The following RETREG3 variants were observed in gnomAD, a reference collection of about 807,000 sequenced individuals.
RETREG3 encodes the protein reticulophagy regulator 3.
Under a neutral mutation model 50.2 loss-of-function variants are expected in RETREG3, and 23 were observed. That is an observed-to-expected ratio of 0.46 (90% confidence interval 0.33 to 0.65). The LOEUF (loss-of-function observed/expected upper bound fraction) is 0.65. Among genes scored for constraint, RETREG3 ranks in the 30% least tolerant of loss-of-function variants. RETREG3 has a pLI of 0.02. For synonymous variants in RETREG3, 240 were observed against 234.4 expected (o/e 1.02, Z -0.22); for missense variants, 546 against 598.0 (o/e 0.91, Z 0.91).
In RETREG3 at chr17:42,581,962, G is replaced by C. The variant is rs745975205; in HGVS notation, c.1252C>G (p.Pro418Ala). ...GCTCTCTGGGCAGGTGCTCCAGAAG[G>C]GCCTGGTTGGGAGGCCCCTGACAAG... ...LALSGASQPG[P>A]SGAPAQRATR... The change falls in exon 9 of 9, where the codon CCT becomes GCT. Residue 418 changes from proline (P) to alanine (A), a missense_variant. Pro to Ala is a conservative substitution (Grantham distance 27, BLOSUM62 -1). Transcript: ENST00000309428. The C allele has an allele frequency of 3.6e-5, 58 of 1,613,962 alleles. No individual in the cohort carries two copies. The highest frequency in any genetic ancestry group is 4.7e-5 in the Non-Finnish European group (55 of 1,180,022).
In RETREG3 at chr17:42,582,264, T is replaced by C. The variant is rs777009691; in HGVS notation, c.950A>G (p.Asp317Gly). 1.2e-6 allele frequency: 2 copies of C among 1,603,284 alleles called. No homozygotes were observed. The highest frequency in any genetic ancestry group is 1.1e-5 in the South Asian group (1 of 90,898). Residue 317 changes from aspartate to glycine, a missense_variant, in exon 9 of 9, where the codon GAT becomes GGT. Asp to Gly is a moderately conservative substitution (Grantham distance 94). Transcript: ENST00000309428. ...TPLTEGSEDL[D>G]GHSDPEESFA... Reference sequence around the variant, plus strand: ...GGATTCCTCTGGATCACTGTGACCATCTAGGTCTGGTGGAATACAGAAGTG... The same window carrying C: ...GGATTCCTCTGGATCACTGTGACCACCTAGGTCTGGTGGAATACAGAAGTG...
intron 1 of RETREG3, chr17:42,605,432 ATGTT>A (rs1468521263): frequency 6.6e-6 from 1 of 152,214 alleles, no homozygotes; most frequent in African/African-American, 2.4e-5. Flanking sequence ...AACATTTAAA[ATGTT>A]TGTTAACTGA....
intron 7 of RETREG3, among the ~76,000 whole-genome samples, chr17:42,583,155 G>A (rs1193768101): frequency 6.6e-6 from 1 of 152,126 alleles, no homozygotes. Flanking sequence ...ATTTTTCAAA[G>A]TGGTAGGAGG....
chr17:42,589,719 C>G (rs2093128794), intron 2 of RETREG3, among the ~76,000 whole-genome samples: 1 of 152,182 alleles, frequency 6.6e-6, no homozygotes, highest in Non-Finnish European at 1.5e-5. Flanking sequence ...CAGGCATGAT[C>G]CACTGCACCT....
chr17:42,587,912 A>G lies in RETREG3; in HGVS notation c.347-48T>C, dbSNP rs541499833. The G allele has an allele frequency of 1.9e-6, 3 of 1,610,036 alleles. No individual in the cohort carries two copies. In the African/African-American group the frequency reaches 4.0e-5, roughly 21 times the overall value. Reference sequence around the variant, plus strand: ...AGCATTAGTTGGTAGGGAAAACTAAACATGAAAATGTTAGGCTGTTGGTCT... The same window carrying G: ...AGCATTAGTTGGTAGGGAAAACTAAGCATGAAAATGTTAGGCTGTTGGTCT... On this transcript the variant is annotated intron_variant, in intron 2 of 8. Coordinates refer to ENST00000309428, the MANE Select transcript of RETREG3 (RefSeq NM_178126.4).
rs544434401 is a variant in RETREG3 at position 42,596,012 on chromosome 17, G to T, written c.240-3850C>A. Reference sequence around the variant, plus strand: ...AATAATTCATGTGTGAATTTCCAGAGTTGACTATATTTGCAGTTGTTTTTG... The same window carrying T: ...AATAATTCATGTGTGAATTTCCAGATTTGACTATATTTGCAGTTGTTTTTG... On this transcript the variant is annotated intron_variant, in intron 1 of 8. Coordinates refer to ENST00000309428, the MANE Select transcript of RETREG3 (RefSeq NM_178126.4). Among the ~76,000 whole-genome samples, 3 of 152,128 alleles carry T rather than the reference G, an allele frequency of 2.0e-5. No homozygotes were observed. In the East Asian group the frequency reaches 5.8e-4, roughly 29 times the overall value.
At position 42,585,177 on chromosome 17, in the gene RETREG3, C is replaced by A. The variant is rs779779396; in HGVS notation, c.675G>T (p.Arg225=). Residue 225 remains arginine (R), a synonymous_variant, in exon 6 of 9, where the codon CGG becomes CGT. Coordinates refer to ENST00000309428, the MANE Select transcript of RETREG3 (RefSeq NM_178126.4). ...AYVRLKPALQ[R]LDFSVRGYMM... Reference sequence around the variant, plus strand: ...TGTAGCCACGGACACTGAAGTCTAGCCGCTGCAGAGCTGGCTTCAGCCGCA... The same window carrying A: ...TGTAGCCACGGACACTGAAGTCTAGACGCTGCAGAGCTGGCTTCAGCCGCA... The A allele has an allele frequency of 3.1e-6, 5 of 1,613,884 alleles. No homozygotes were observed. In the South Asian group the frequency reaches 5.5e-5, roughly 18 times the overall value.
intron 8 of RETREG3, 149 bp downstream of exon 8, chr17:42,582,525 G>T: frequency 1.6e-6 from 2 of 1,255,524 alleles, no homozygotes; most frequent in Non-Finnish European, 1.1e-6. Flanking sequence ...GTGCCATCCT[G>T]GCTGTAGCCA....
chr17:42,594,660 G>A (rs1413619944), intron 1 of RETREG3, among the ~76,000 whole-genome samples: 41 of 151,380 alleles, frequency 2.7e-4, no homozygotes, highest in Non-Finnish European at 1.5e-5. Flanking sequence ...TGGCTAACTC[G>A]TTGAAACCCT....
chr17:42,589,092 A>C (rs1187919802), intron 2 of RETREG3, among the ~76,000 whole-genome samples: 2 of 136,060 alleles, frequency 1.5e-5, no homozygotes, highest in Non-Finnish European at 3.1e-5. Context: ...ACACAGTGAG[A>C]CCCTGTCTCT....
Position 42,582,001 on chromosome 17 carries a change from T to A in RETREG3, c.1213A>T (p.Met405Leu), listed in dbSNP as rs753778095. 2.5e-6 allele frequency: 4 copies of A among 1,613,958 alleles called. No homozygotes were observed. In the South Asian group the frequency reaches 4.4e-5, roughly 18 times the overall value. ...SNLASLVSQG[M>L]IQLALSGASQ... ...GCCCCTGACAAGGCCAGCTGAATCA[T>A]ACCCTGGGAGACCAGGCTGGCAAGG... The change falls in exon 9 of 9, where the codon ATG becomes TTG. Residue 405 changes from methionine to leucine, a missense_variant. Physicochemically the swap from Met to Leu is conservative, Grantham distance 15. Coordinates refer to ENST00000309428, the MANE Select transcript of RETREG3 (RefSeq NM_178126.4).
chr17:42,602,061 A>G (rs1305478483), intron 1 of RETREG3, among the ~76,000 whole-genome samples: 1 of 152,190 alleles, frequency 6.6e-6, no homozygotes, highest in Non-Finnish European at 1.5e-5. Context: ...TCACACCTGT[A>G]ATCCCAGCCT....
At chr17:42,603,300 C>A (rs1385658993) in intron 1 of RETREG3, among the ~76,000 whole-genome samples, 1 of 152,072 alleles carries the variant, frequency 6.6e-6, no homozygotes, top group African/African-American at 2.4e-5. Flanking sequence ...TTCTAGGTTC[C>A]TTTGTTATTA....
chr17:42,586,637 C>T, intron 4 of RETREG3, 128 bp downstream of exon 4: 1 of 1,354,912 alleles, frequency 7.4e-7, no homozygotes, highest in East Asian at 2.5e-5. Flanking sequence ...CTATAGCTTC[C>T]TTTTGTCTCT....
intron 1 of RETREG3, among the ~76,000 whole-genome samples, chr17:42,602,880 T>G (rs561825235): frequency 1.3e-5 from 2 of 152,166 alleles, no homozygotes; most frequent in South Asian, 4.1e-4. Context: ...GAGGTTGAGG[T>G]TGCAATAAGC....
At chr17:42,597,192 T>C (rs2093146920) in intron 1 of RETREG3, among the ~76,000 whole-genome samples, 1 of 73,378 alleles carries the variant, frequency 1.4e-5, no homozygotes, top group Non-Finnish European at 3.0e-5. Flanking sequence ...CTATTTTTTC[T>C]TTTTTTTTTT....
chr17:42,609,223 C>T lies in RETREG3; in HGVS notation c.102G>A (p.Gln34=), dbSNP rs780916254. ...DVSGSWERDQ[Q]VEAAQRALVE... is the part of the protein sequence containing the mutation. The stretch of plus-strand genomic sequence containing the variant: ...CCAGGGCCCGCTGCGCCGCCTCAAC[C>T]TGCTGGTCCCGCTCCCAGGAGCCTG... The change falls in exon 1 of 9, where the codon CAG becomes CAA. Residue 34 remains glutamine (Q), a synonymous_variant. Transcript: ENST00000309428. 1.2e-6 allele frequency: 2 copies of T among 1,608,628 alleles called. No homozygotes were observed. The highest frequency in any genetic ancestry group is 1.7e-6 in the Non-Finnish European group (2 of 1,179,814).
In RETREG3 at chr17:42,579,784, A is replaced by G. The variant is rs141436079; in HGVS notation, c.*2029T>C. ...TGTCAAAAGTCTGTTTGAGAAGCCTAAAGTGGGGAGATGCCATTACCCCTG... is the reference window on the plus strand; with the variant it reads ...TGTCAAAAGTCTGTTTGAGAAGCCTGAAGTGGGGAGATGCCATTACCCCTG... On this transcript the variant is annotated 3_prime_UTR_variant, in exon 9 of 9. Transcript: ENST00000309428. 6.5e-6 allele frequency: 1 copy of G among 152,876 alleles called. No individual in the cohort carries two copies. The highest frequency in any genetic ancestry group is 2.4e-5 in the African/African-American group (1 of 41,548). The allele number at this position is 152,876 out of a possible 1,614,324, so 9.5% of individuals were successfully genotyped here.
chr17:42,603,756 T>A (rs960407342), intron 1 of RETREG3, among the ~76,000 whole-genome samples: 3 of 152,158 alleles, frequency 2.0e-5, no homozygotes, highest in African/African-American at 7.2e-5. Context: ...GGCGGGCGGA[T>A]CACGAGGTCA....
Sources: gnomAD v4.1 joint callset for allele counts (sites outside exome capture counted in the v4.1 genomes callset) on GRCh38, gnomAD v4.1.1 for gene constraint, MANE v1.5 for transcripts, NCBI Gene and HGNC (gene_info 2026-07-23, HGNC 2026-07-21) for gene names.